ZFHX4: variants seen among roughly 807,000 people sequenced by gnomAD.
ZFHX4 encodes zinc finger homeobox protein 4.
In ZFHX4, 56 loss-of-function variants were observed where a neutral mutation model predicts 267.6. That is an observed-to-expected ratio of 0.21 (90% CI 0.17 to 0.26). The LOEUF is 0.26. Among genes scored for constraint, ZFHX4 ranks in the 10% least tolerant of loss-of-function variants. The probability of loss-of-function intolerance (pLI) is 1.00; values close to 1 mark genes in which losing one functional copy is unlikely to be tolerated. For synonymous variants in ZFHX4, 1,778 were observed against 1,665.6 expected, an observed-to-expected ratio of 1.07 and a Z score of -1.64; for missense variants, 4,332 against 4,420.0, an observed-to-expected ratio of 0.98 and a Z score of 0.56.
At chr8:76,783,580 A>G (rs1262090747) in intron 4 of ZFHX4, among the ~76,000 whole-genome samples, 1 of 151,992 alleles carries the variant, frequency 6.6e-6, no homozygotes, top group Admixed American at 6.6e-5. Context: ...GCATTCTTGC[A>G]TAATGTATAT....
intron 10 of ZFHX4, among the ~76,000 whole-genome samples, chr8:76,860,932 G>A (rs959352934): frequency 2.0e-5 from 3 of 152,052 alleles, no homozygotes; most frequent in Non-Finnish European, 2.9e-5. Context: ...AAGTGGAAAC[G>A]CAATCCCAGA....
chr8:76,849,226 G>A (rs1812445223), intron 7 of ZFHX4, 98 bp downstream of exon 7: 1 of 1,345,170 alleles, frequency 7.4e-7, no homozygotes, highest in Non-Finnish European at 1.0e-6. Flanking sequence ...TGAAATGTAT[G>A]TAGACATTGC....
At chr8:76,710,530 A>C (rs967600300) in intron 3 of ZFHX4, among the ~76,000 whole-genome samples, 2 of 152,212 alleles carry the variant, frequency 1.3e-5, no homozygotes, top group African/African-American at 4.8e-5. Flanking sequence ...AATTAGACTT[A>C]AAATAGTTTC....
intron 5 of ZFHX4, 55 bp downstream of exon 5, chr8:76,833,461 T>G: frequency 7.5e-7 from 1 of 1,334,376 alleles, no homozygotes; most frequent in Non-Finnish European, 1.1e-6. Flanking sequence ...GAGTTGCTTT[T>G]GTTACTCTCA....
chr8:76,832,099 T>C (rs1811950120), intron 4 of ZFHX4, among the ~76,000 whole-genome samples: 1 of 152,138 alleles, frequency 6.6e-6, no homozygotes, highest in Non-Finnish European at 1.5e-5. Context: ...AGACAATTAG[T>C]AAATGCAATA....
intron 10 of ZFHX4, among the ~76,000 whole-genome samples, chr8:76,858,841 A>T (rs1378948611): frequency 6.6e-6 from 1 of 152,240 alleles, no homozygotes; most frequent in Non-Finnish European, 1.5e-5. Context: ...TTTGTTATCA[A>T]TATGAACATC....
Position 76,705,323 on chromosome 8 carries a change from C to T in ZFHX4, c.1235C>T (p.Ser412Phe). Reference sequence around the variant, plus strand: ...GCTGAAGTGAATCTGGGGGGGCTGTCTAGTTTAGTAGTGAACACCCCAATT... The same window carrying T: ...GCTGAAGTGAATCTGGGGGGGCTGTTTAGTTTAGTAGTGAACACCCCAATT... Reference protein sequence around the residue: ...PKAEVNLGGLSSLVVNTPITS... With the variant: ...PKAEVNLGGLFSLVVNTPITS... The change falls in exon 2 of 11, where the codon TCT (serine) becomes TTT (phenylalanine). Residue 412 changes from serine to phenylalanine, a missense_variant. Around this residue, in one of 7 missense-constraint regions of ZFHX4, gnomAD observed 1,195 missense variants for 1,173.6 expected, o/e 1.02. Transcript: ENST00000651372. 6.2e-7 allele frequency: 1 copy of T among 1,613,992 alleles called. No individual in the cohort carries two copies. Among genetic ancestry groups the T allele is most frequent in the Non-Finnish European group, 8.5e-7 (1 of 1,179,890 alleles).
intron 3 of ZFHX4, among the ~76,000 whole-genome samples, chr8:76,743,285 A>G (rs1350781173): frequency 6.6e-6 from 1 of 152,156 alleles, no homozygotes; most frequent in Non-Finnish European, 1.5e-5. Context: ...CTGATAAGCT[A>G]CCATCACATG....
chr8:76,850,863 A>G (rs763394439), intron 9 of ZFHX4, 23 bp from the exon 10 acceptor site: 4 of 1,534,316 alleles, frequency 2.6e-6, no homozygotes. Flanking sequence ...TGTAAGAGAG[A>G]TGTTTGTGCT....
At chr8:76,792,619 G>C (rs995990551) in intron 4 of ZFHX4, among the ~76,000 whole-genome samples, 12 of 152,126 alleles carry the variant, frequency 7.9e-5, no homozygotes, top group Admixed American at 5.2e-4. Flanking sequence ...TAAGCAAATA[G>C]TTCTTTGGTT....
intron 4 of ZFHX4, among the ~76,000 whole-genome samples, chr8:76,809,408 G>A (rs1189731409): frequency 6.6e-6 from 1 of 152,134 alleles, no homozygotes; most frequent in Admixed American, 6.6e-5. Flanking sequence ...ACATAGCCAT[G>A]TTTTCTTTTT....
chr8:76,791,724 C>G (rs944027521), intron 4 of ZFHX4, among the ~76,000 whole-genome samples: 2 of 152,086 alleles, frequency 1.3e-5, no homozygotes, highest in African/African-American at 2.4e-5. Flanking sequence ...CTCAGAGATT[C>G]TATGTCTTCA....
At chr8:76,702,171 A>G (rs1048001268) in intron 1 of ZFHX4, among the ~76,000 whole-genome samples, 9 of 152,214 alleles carry the variant, frequency 5.9e-5, no homozygotes, top group African/African-American at 2.2e-4. Context: ...AAGGATAATT[A>G]ACCTGAAGCT....
At position 76,707,935 on chromosome 8, in the gene ZFHX4, G is replaced by A; in HGVS notation, c.2980G>A (p.Gly994Ser). 1 of 1,614,020 alleles carries A rather than the reference G, an allele frequency of 6.2e-7. No homozygotes were observed. Among genetic ancestry groups the A allele is most frequent in the Non-Finnish European group, 8.5e-7 (1 of 1,179,916 alleles). ...GTGGAGGTTGAAGTGTATTGCCATT[G>A]GCAACCCTGTTCACCTAAAATGTAA... ...NEWRLKCIAI[G>S]NPVHLKCNAC... is the part of the protein sequence containing the mutation. The change falls in exon 3 of 11, where the codon GGC (glycine) becomes AGC (serine). Residue 994 changes from glycine to serine, a missense_variant. Gly to Ser is a moderately conservative substitution (Grantham distance 56, BLOSUM62 0). Coordinates refer to ENST00000651372, the MANE Select transcript of ZFHX4 (RefSeq NM_024721.5).
chr8:76,818,588 G>T (rs1445048214), intron 4 of ZFHX4, among the ~76,000 whole-genome samples: 1 of 151,986 alleles, frequency 6.6e-6, no homozygotes, highest in Non-Finnish European at 1.5e-5. Flanking sequence ...TGGCACTGAG[G>T]TAGGGCCCAA....
chr8:76,827,079 C>T (rs1008773286), intron 4 of ZFHX4, among the ~76,000 whole-genome samples: 24 of 152,168 alleles, frequency 1.6e-4, no homozygotes, highest in Middle Eastern at 3.2e-3. Flanking sequence ...TGATGAATCC[C>T]ATAAGGCAGT....
chr8:76,776,063 G>A (rs1158824768), intron 3 of ZFHX4, among the ~76,000 whole-genome samples: 2 of 151,898 alleles, frequency 1.3e-5, no homozygotes, highest in Non-Finnish European at 2.9e-5. Context: ...TTGTTAAATA[G>A]CCCTTGCTCC....
intron 3 of ZFHX4, among the ~76,000 whole-genome samples, chr8:76,775,895 CTTT>C (rs904035424): frequency 4.9e-5 from 6 of 122,424 alleles, no homozygotes; most frequent in Non-Finnish European, 3.6e-5. Flanking sequence ...AGTAAGTTTT[CTTT>C]TTTTTTTTTT....
chr8:76,703,969 A>G (rs771659687), intron 1 of ZFHX4, 74 bp from the exon 2 acceptor site: 50 of 1,055,484 alleles, frequency 4.7e-5, no homozygotes, highest in Middle Eastern at 2.6e-4. Context: ...GCAGCTGTAA[A>G]TTAGTGATGG....
Sources: gnomAD v4.1 joint callset for allele counts (sites outside exome capture counted in the v4.1 genomes callset) on GRCh38, gnomAD v4.1.1 for gene constraint, gnomAD v4.1.1 regional missense constraint, MANE v1.5 for transcripts, NCBI Gene and HGNC (gene_info 2026-07-23, HGNC 2026-07-21) for gene names.